RELN: variants seen among roughly 807,000 people sequenced by gnomAD.
RELN encodes the protein reelin.
Under a neutral mutation model 427.6 loss-of-function variants are expected in RELN, and 108 were observed. The observed-to-expected ratio is 0.25, with a 90% CI of 0.22 to 0.30. The LOEUF (loss-of-function observed/expected upper bound fraction) is 0.30. RELN is among the 10% of genes least tolerant of loss of function. The pLI, the probability that RELN is intolerant of heterozygous loss-of-function variation, is 1.00. For synonymous variants in RELN, 1,524 were observed against 1,513.4 expected, an observed-to-expected ratio of 1.01 and a Z score of -0.16; for missense variants, 3,715 against 4,302.8, an observed-to-expected ratio of 0.86 and a Z score of 3.82.
intron 2 of RELN, among the ~76,000 whole-genome samples, chr7:103,902,483 C>T (rs2116623307): frequency 6.6e-6 from 1 of 152,116 alleles, no homozygotes; most frequent in East Asian, 1.9e-4. Flanking sequence ...ACATAATTAA[C>T]TTGATAATAA....
intron 3 of RELN, among the ~76,000 whole-genome samples, chr7:103,789,531 C>T (rs1380003162): frequency 6.6e-6 from 1 of 151,956 alleles, no homozygotes. Flanking sequence ...AGGATATGAA[C>T]AGACACTTCT....
At chr7:103,735,244 T>C (rs1435408307) in intron 6 of RELN, among the ~76,000 whole-genome samples, 1 of 152,216 alleles carries the variant, frequency 6.6e-6, no homozygotes, top group African/African-American at 2.4e-5. Context: ...TTATTAGTTC[T>C]CTATTTTTTA....
intron 4 of RELN, among the ~76,000 whole-genome samples, chr7:103,754,604 G>A (rs990704838): frequency 1.0e-4 from 12 of 116,102 alleles, no homozygotes; most frequent in African/African-American, 3.4e-4. Context: ...AGGAGACCTC[G>A]TCTCTAAAAA....
At chr7:103,494,079 T>C (rs1828752821) in intron 57 of RELN, among the ~76,000 whole-genome samples, 1 of 152,100 alleles carries the variant, frequency 6.6e-6, no homozygotes, top group Non-Finnish European at 1.5e-5. Context: ...GGGAAAATCT[T>C]CACTCTTAAG....
intron 3 of RELN, among the ~76,000 whole-genome samples, chr7:103,815,958 T>G (rs1213576765): frequency 6.6e-6 from 1 of 152,230 alleles, no homozygotes; most frequent in Non-Finnish European, 1.5e-5. Context: ...ATGTACAATA[T>G]CTAGCAAGTT....
intron 2 of RELN, among the ~76,000 whole-genome samples, chr7:103,894,205 C>T (rs917069144): frequency 1.3e-5 from 2 of 152,162 alleles, no homozygotes; most frequent in Non-Finnish European, 2.9e-5. Context: ...TACCACCTCC[C>T]TATCTTTTGA....
chr7:103,639,166 T>A (rs1464048447), intron 17 of RELN, among the ~76,000 whole-genome samples: 1 of 152,104 alleles, frequency 6.6e-6, no homozygotes, highest in South Asian at 2.1e-4. Flanking sequence ...GACCAGTGTT[T>A]TGGAATGGGA....
At chr7:103,893,749 A>G (rs536543759) in intron 2 of RELN, among the ~76,000 whole-genome samples, 27 of 152,254 alleles carry the variant, frequency 1.8e-4, no homozygotes, top group Non-Finnish European at 3.1e-4. Flanking sequence ...TAACCAAAAA[A>G]ATTCAAGAAA....
intron 6 of RELN, among the ~76,000 whole-genome samples, chr7:103,745,002 T>C (rs1162947455): frequency 6.6e-5 from 10 of 152,224 alleles, no homozygotes; most frequent in Non-Finnish European, 1.3e-4. Context: ...TGAACATCGA[T>C]GCAAAAATCC....
chr7:103,685,258 T>G lies in RELN; in HGVS notation c.1144-2997A>C, dbSNP rs1165650010. ...TCTCGATTTTAATACCCAGCTATTT[T>G]TGTTCAACACCTATTCGAACTCCTA... On this transcript the variant is annotated intron_variant, in intron 10 of 64. Transcript: ENST00000428762. Among the ~76,000 whole-genome samples the G allele has an allele frequency of 3.3e-5, 5 of 152,298 alleles. No homozygotes were observed. The South Asian group carries it at 1.0e-3, about 32-fold the overall frequency.
chr7:103,845,813 G>A (rs948044885), intron 2 of RELN, among the ~76,000 whole-genome samples: 1 of 152,096 alleles, frequency 6.6e-6, no homozygotes, highest in South Asian at 2.1e-4. Context: ...TACAAGGGAC[G>A]TGAAGGACCT....
intron 7 of RELN, among the ~76,000 whole-genome samples, chr7:103,727,679 G>A (rs1431295158): frequency 6.6e-6 from 1 of 152,008 alleles, no homozygotes; most frequent in Non-Finnish European, 1.5e-5. Context: ...AATCCATCAG[G>A]TTCTTCTATG....
intron 4 of RELN, among the ~76,000 whole-genome samples, chr7:103,768,251 C>G (rs1419819128): frequency 6.6e-6 from 1 of 151,976 alleles, no homozygotes; most frequent in Non-Finnish European, 1.5e-5. Flanking sequence ...CCCAGCCAAC[C>G]CCGCACCCCA....
At chr7:103,936,043 G>C (rs1018126107) in intron 1 of RELN, among the ~76,000 whole-genome samples, 1 of 150,962 alleles carries the variant, frequency 6.6e-6, no homozygotes, top group African/African-American at 2.4e-5. Flanking sequence ...CAAATCTCAA[G>C]TCTGTTTATC....
At chr7:103,851,352 T>A (rs1793817312) in intron 2 of RELN, among the ~76,000 whole-genome samples, 1 of 151,798 alleles carries the variant, frequency 6.6e-6, no homozygotes, top group Non-Finnish European at 1.5e-5. Flanking sequence ...TGGGAGGAGG[T>A]AAGGGATAAA....
At chr7:103,611,826 T>C in intron 20 of RELN, 23 bp from the exon 21 acceptor site, 1 of 1,585,836 alleles carries the variant, frequency 6.3e-7, no homozygotes, top group Admixed American at 1.7e-5. Flanking sequence ...GAGATGGAAA[T>C]CAGAAAATTC....
At chr7:103,962,895 G>C (rs973623379) in intron 1 of RELN, among the ~76,000 whole-genome samples, 4 of 152,122 alleles carry the variant, frequency 2.6e-5, no homozygotes, top group Non-Finnish European at 5.9e-5. Flanking sequence ...TGAGAAAATA[G>C]GGTAAACATA....
At chr7:103,512,080 T>C (rs1346876264) in intron 50 of RELN, among the ~76,000 whole-genome samples, 5 of 152,186 alleles carry the variant, frequency 3.3e-5, no homozygotes, top group Non-Finnish European at 7.3e-5. Context: ...CTGTCAACCA[T>C]AGACACTATG....
At chr7:103,914,582 G>C (rs1223809814) in intron 2 of RELN, among the ~76,000 whole-genome samples, 1 of 151,786 alleles carries the variant, frequency 6.6e-6, no homozygotes, top group Non-Finnish European at 1.5e-5. Context: ...ATGTGCTAAT[G>C]GCTTTACATA....
Sources: allele counts gnomAD v4.1 joint callset (sites outside exome capture counted in the v4.1 genomes callset), GRCh38; gene constraint gnomAD v4.1.1; transcripts MANE v1.5; gene names NCBI Gene and HGNC (gene_info 2026-07-23, HGNC 2026-07-21).